Variants in RAPGEF4 observed in about 807,000 individuals in gnomAD.
The protein encoded by RAPGEF4 is Rap guanine nucleotide exchange factor 4.
Under a neutral mutation model 147.9 loss-of-function variants are expected in RAPGEF4, and 66 were observed. The observed-to-expected ratio is 0.45, with a 90% CI of 0.37 to 0.55. The LOEUF is 0.55. Among genes scored for constraint, RAPGEF4 ranks in the 20% least tolerant of loss-of-function variants. The pLI is 0.00. For missense variants in RAPGEF4, 1,071 were observed against 1,257.3 expected, an observed-to-expected ratio of 0.85 and a Z score of 2.24; for synonymous variants, 419 against 442.7, an observed-to-expected ratio of 0.95 and a Z score of 0.67.
chr2:173,049,357 G>A (rs940093211), intron 30 of RAPGEF4, among the ~76,000 whole-genome samples: 3 of 152,138 alleles, frequency 2.0e-5, no homozygotes, highest in African/African-American at 7.2e-5. Flanking sequence ...TTGGTGGTGG[G>A]GGTGGAGCTT....
chr2:173,020,503 G>A, intron 22 of RAPGEF4, 115 bp from the exon 23 acceptor site: 1 of 846,136 alleles, frequency 1.2e-6, no homozygotes, highest in Non-Finnish European at 2.0e-6. Context: ...ATTTTATGCA[G>A]TCACTCTGCG....
At position 172,735,928 on chromosome 2, in the gene RAPGEF4, GCAGAGCGAGCGCGGGAGGTCGCCGCAGC is replaced by G; in HGVS notation, c.-52_-25del. 4 of 1,390,068 alleles carry G rather than the reference GCAGAGCGAGCGCGGGAGGTCGCCGCAGC, an allele frequency of 2.9e-6. No individual in the cohort carries two copies. Among genetic ancestry groups the G allele is most frequent in the Non-Finnish European group, 3.8e-6 (4 of 1,062,688 alleles). The allele number at this position is 1,390,068 out of a possible 1,614,324, so 86.1% of individuals were successfully genotyped here. A position where few individuals can be genotyped will look rare whatever the true frequency, so the allele number is the denominator to read the frequency against. Reference sequence around the variant, plus strand: ...GGACGAGGCGGGGGCGGAGGCGCAGGCAGAGCGAGCGCGGGAGGTCGCCGCAGCCAGGGACACCGCGCGCCGCCGCTCA... The same window carrying G: ...GGACGAGGCGGGGGCGGAGGCGCAGGCAGGGACACCGCGCGCCGCCGCTCA... On this transcript the variant is annotated 5_prime_UTR_variant, in exon 1 of 31. Transcript: ENST00000397081.
rs752794875 is a variant in RAPGEF4, at chr2:173,018,812, T to C, written c.2155+10T>C. On this transcript the variant is annotated intron_variant, in intron 22 of 30. Coordinates refer to ENST00000397081, the MANE Select transcript of RAPGEF4 (RefSeq NM_007023.4). ...ATGAGTTCCGGAGGAGGTAACAGTC[T>C]TAATTCATATTTTAGGCTCTGCAAA... is the stretch of plus-strand genomic sequence containing the variant. The C allele has an allele frequency of 6.2e-7, 1 of 1,611,928 alleles. No individual in the cohort carries two copies. The highest frequency in any genetic ancestry group is 8.5e-7 in the Non-Finnish European group (1 of 1,179,034).
chr2:172,839,127 G>A (rs1288252929), intron 4 of RAPGEF4, among the ~76,000 whole-genome samples: 2 of 151,902 alleles, frequency 1.3e-5, no homozygotes, highest in East Asian at 1.9e-4. Flanking sequence ...ATTAATTATG[G>A]TGAGTTAGAA....
At chr2:172,861,525 C>T (rs1359329752) in intron 4 of RAPGEF4, among the ~76,000 whole-genome samples, 1 of 152,094 alleles carries the variant, frequency 6.6e-6, no homozygotes, top group African/African-American at 2.4e-5. Flanking sequence ...AGATGGTGTC[C>T]CTGGCGAGCC....
In RAPGEF4 at chr2:172,995,463, A is replaced by G. The variant is rs1271261315; in HGVS notation, c.1491-1003A>G. On this transcript the variant is annotated intron_variant, in intron 15 of 30. Coordinates refer to ENST00000397081, the MANE Select transcript of RAPGEF4 (RefSeq NM_007023.4). ...CCCAGCTAATTTTTTGTATTTTAGT[A>G]GAGACGGGGCTTCACCGTGTTGCCC... Among the ~76,000 whole-genome samples the G allele has an allele frequency of 2.6e-5, 4 of 152,150 alleles. No individual in the cohort carries two copies. The East Asian group carries it at 7.7e-4, about 29-fold the overall frequency.
At chr2:173,049,111 T>C (rs561233446) in intron 30 of RAPGEF4, among the ~76,000 whole-genome samples, 2 of 152,352 alleles carry the variant, frequency 1.3e-5, no homozygotes, top group South Asian at 2.1e-4. Context: ...TTAATGTTTA[T>C]AGCACATTCG....
At chr2:172,766,509 C>G (rs986895817) in intron 1 of RAPGEF4, among the ~76,000 whole-genome samples, 1 of 152,070 alleles carries the variant, frequency 6.6e-6, no homozygotes, top group African/African-American at 2.4e-5. Context: ...TCACTGTACT[C>G]CAGCCTGGGT....
chr2:172,989,169 A>C (rs959562090), intron 14 of RAPGEF4, among the ~76,000 whole-genome samples: 4 of 152,180 alleles, frequency 2.6e-5, no homozygotes, highest in Non-Finnish European at 5.9e-5. Flanking sequence ...CATCCTGGGC[A>C]TCCTTCTTTT....
At chr2:172,968,646 A>G (rs1397961348) in intron 10 of RAPGEF4, among the ~76,000 whole-genome samples, 1 of 152,192 alleles carries the variant, frequency 6.6e-6, no homozygotes, top group African/African-American at 2.4e-5. Flanking sequence ...GTAAGCCTCA[A>G]AACCCTTTCT....
rs572384150 is a variant in RAPGEF4, at chr2:172,849,115, A to G, written c.444+34690A>G. On this transcript the variant is annotated intron_variant, in intron 4 of 30. Transcript: ENST00000397081. ...GCAGAGAGGTATGAGGGATTTCTTT[A>G]TGGTCTGGACAAGTTTGCCAGACAA... Among the ~76,000 whole-genome samples the G allele has an allele frequency of 1.0e-4, 15 of 146,784 alleles. No homozygotes were observed. In the South Asian group the frequency reaches 3.1e-3, roughly 30 times the overall value.
At chr2:172,944,137 C>T (rs987395094) in intron 6 of RAPGEF4, among the ~76,000 whole-genome samples, 6 of 152,178 alleles carry the variant, frequency 3.9e-5, no homozygotes, top group African/African-American at 1.4e-4. Flanking sequence ...AGGCTGCCTT[C>T]TGCTCCGTCC....
At chr2:172,763,968 C>T (rs79084142) in intron 1 of RAPGEF4, among the ~76,000 whole-genome samples, 8,418 of 152,046 alleles carry the variant, frequency 0.055, 306 homozygotes, top group Non-Finnish European at 0.078. Flanking sequence ...GTAATACTAT[C>T]GGCCAGACAC....
rs1410584570 is a variant in RAPGEF4, at chr2:173,048,674, C to T, written c.2908+20C>T. 9 of 1,613,956 alleles carry T rather than the reference C, an allele frequency of 5.6e-6. No homozygotes were observed. The highest frequency in any genetic ancestry group is 7.6e-6 in the Non-Finnish European group (9 of 1,180,008). ...CCTTCAGTAAGTTAAGTGCTGCCAC[C>T]TCTTACAATGTAGATGTTGGTGATT... On this transcript the variant is annotated intron_variant, in intron 30 of 30. Transcript: ENST00000397081.
At chr2:172,883,577 A>G (rs1696855361) in intron 4 of RAPGEF4, among the ~76,000 whole-genome samples, 1 of 152,218 alleles carries the variant, frequency 6.6e-6, no homozygotes, top group Non-Finnish European at 1.5e-5. Context: ...AGACCAATTC[A>G]TGGTCAAACG....
chr2:172,952,602 A>C (rs1458379670), intron 6 of RAPGEF4, among the ~76,000 whole-genome samples: 1 of 152,240 alleles, frequency 6.6e-6, no homozygotes, highest in Non-Finnish European at 1.5e-5. Flanking sequence ...TTATAAGAAA[A>C]TCTAGGCTCG....
intron 3 of RAPGEF4, among the ~76,000 whole-genome samples, chr2:172,801,050 A>C (rs998678250): frequency 2.0e-5 from 3 of 152,164 alleles, no homozygotes; most frequent in Middle Eastern, 3.2e-3. Flanking sequence ...GAGGGGTTCC[A>C]TGGACATTAA....
chr2:172,775,944 A>T (rs916655119), intron 1 of RAPGEF4, among the ~76,000 whole-genome samples: 4 of 152,186 alleles, frequency 2.6e-5, no homozygotes, highest in African/African-American at 9.7e-5. Context: ...TTAGTTTATA[A>T]GTCAGAGCCA....
intron 1 of RAPGEF4, among the ~76,000 whole-genome samples, chr2:172,780,173 A>AG (rs1317558377): frequency 6.6e-6 from 1 of 152,202 alleles, no homozygotes; most frequent in Non-Finnish European, 1.5e-5. Context: ...AAGAAAAAAA[A>AG]CAAACAGAAG....
Sources: gnomAD v4.1 joint callset for allele counts (sites outside exome capture counted in the v4.1 genomes callset) on GRCh38, gnomAD v4.1.1 for gene constraint, MANE v1.5 for transcripts, NCBI Gene and HGNC (gene_info 2026-07-23, HGNC 2026-07-21) for gene names.